CLIC4: variants seen among roughly 807,000 people sequenced by gnomAD.
CLIC4 encodes CLIC family member 4, also known as chloride intracellular channel protein 4.
In CLIC4, 13 loss-of-function variants were observed where a neutral mutation model predicts 24.6. The observed-to-expected ratio is 0.53, with a 90% confidence interval of 0.34 to 0.84. The LOEUF (loss-of-function observed/expected upper bound fraction) is 0.84. Among genes scored for constraint, CLIC4 ranks in the 40% least tolerant of loss-of-function variants. The pLI, the probability that CLIC4 is intolerant of heterozygous loss-of-function variation, is 0.01. For missense variants in CLIC4, 227 were observed against 301.7 expected (o/e 0.75, Z 1.83); for synonymous variants, 104 against 111.3 (o/e 0.93, Z 0.41).
intron 5 of CLIC4, 26 bp downstream of exon 5, chr1:24,840,067 A>G: frequency 6.2e-7 from 1 of 1,602,476 alleles, no homozygotes; most frequent in Non-Finnish European, 8.5e-7. Context: ...TTGATGTCGC[A>G]TTGCCATTAC....
At chr1:24,746,411 C>T (rs1638698819) in intron 1 of CLIC4, among the ~76,000 whole-genome samples, 2 of 152,214 alleles carry the variant, frequency 1.3e-5, no homozygotes, top group African/African-American at 2.4e-5. Flanking sequence ...TTGGTTTTCC[C>T]TTGTGTCTTC....
intron 3 of CLIC4, among the ~76,000 whole-genome samples, chr1:24,824,570 G>A (rs774062054): frequency 1.4e-4 from 22 of 152,082 alleles, no homozygotes; most frequent in Non-Finnish European, 2.8e-4. Flanking sequence ...GCTTGGTCTC[G>A]TTTGTCAATA....
intron 2 of CLIC4, chr1:24,798,089 G>A (rs1428998757): frequency 5.5e-6 from 2 of 361,798 alleles, no homozygotes; most frequent in Non-Finnish European, 1.0e-5. Context: ...TTCATGAGTA[G>A]CACTAGGAGC....
chr1:24,818,700 TCAA>T (rs1165507913), intron 3 of CLIC4, among the ~76,000 whole-genome samples: 5 of 151,872 alleles, frequency 3.3e-5, no homozygotes, highest in Non-Finnish European at 5.9e-5. Context: ...GTTCTTGCCC[TCAA>T]CAAGTACAGT....
intron 1 of CLIC4, among the ~76,000 whole-genome samples, chr1:24,795,440 T>TA (rs1162528981): frequency 6.6e-6 from 1 of 151,994 alleles, no homozygotes; most frequent in African/African-American, 2.4e-5. Context: ...GAGTATTTCT[T>TA]AAGTCCACGA....
intron 2 of CLIC4, among the ~76,000 whole-genome samples, chr1:24,799,066 C>T (rs1303914573): frequency 2.0e-5 from 3 of 151,888 alleles, no homozygotes; most frequent in Admixed American, 6.6e-5. Context: ...CCGGCCGCCA[C>T]CCCATCTGGG....
chr1:24,762,901 T>C (rs1374928693), intron 1 of CLIC4, among the ~76,000 whole-genome samples: 2 of 152,148 alleles, frequency 1.3e-5, no homozygotes, highest in African/African-American at 2.4e-5. Flanking sequence ...GTATGAGCTG[T>C]AAGAGCTGGG....
At chr1:24,806,659 A>G (rs1247766010) in intron 2 of CLIC4, among the ~76,000 whole-genome samples, 2 of 152,192 alleles carry the variant, frequency 1.3e-5, no homozygotes, top group African/African-American at 2.4e-5. Flanking sequence ...GTTTATTACC[A>G]ATCAGTTAAT....
Position 24,820,094 on chromosome 1 carries a change from TATAG to T in CLIC4, c.308+5877_308+5880del, listed in dbSNP as rs1557812349. Among the ~76,000 whole-genome samples the T allele has an allele frequency of 1.2e-3, 128 of 111,056 alleles. 2 individuals are homozygous for T. Among genetic ancestry groups the T allele is most frequent in the Non-Finnish European group, 1.9e-3 (97 of 52,398 alleles). The allele number at this position is 111,056 out of a possible 152,430, so 72.9% of individuals were successfully genotyped here. A position where few individuals can be genotyped will look rare whatever the true frequency, so the allele number is the denominator to read the frequency against. On this transcript the variant is annotated intron_variant, in intron 3 of 5. Transcript: ENST00000374379. ...ATATATATATGTATATATATATATA[TATAG>T]ACAGTATCTTGTACTGTCGCCCAGG... is the stretch of plus-strand genomic sequence containing the variant.
chr1:24,746,884 G>C (rs1638706398), intron 1 of CLIC4, among the ~76,000 whole-genome samples: 1 of 152,138 alleles, frequency 6.6e-6, no homozygotes, highest in Non-Finnish European at 1.5e-5. Flanking sequence ...TACTACTCTG[G>C]AGGCTGCGGT....
intron 3 of CLIC4, among the ~76,000 whole-genome samples, chr1:24,815,295 C>G (rs955026440): frequency 6.6e-6 from 1 of 151,774 alleles, no homozygotes; most frequent in Admixed American, 6.6e-5. Context: ...GTTGGGAGTT[C>G]GAGACCAGTC....
At chr1:24,772,271 A>G (rs1639079247) in intron 1 of CLIC4, among the ~76,000 whole-genome samples, 1 of 152,090 alleles carries the variant, frequency 6.6e-6, no homozygotes, top group African/African-American at 2.4e-5. Context: ...TTTTAAAGCC[A>G]GTCAAATTTA....
chr1:24,814,122 CCCGGGA>C lies in CLIC4; in HGVS notation c.214_219del (p.Gly72_Thr73del), dbSNP rs1162556605. On this transcript the variant is annotated inframe_deletion, in exon 3 of 6. Transcript: ENST00000374379. ...GCCAGCAGACCTGCAGAACTTGGCT[CCCGGGA>C]CCCACCCACCATTTATAACTTTCAA... 6.2e-7 allele frequency: 1 copy of C among 1,613,812 alleles called. No individual in the cohort carries two copies. The highest frequency in any genetic ancestry group is 1.3e-5 in the African/African-American group (1 of 74,906).
intron 1 of CLIC4, among the ~76,000 whole-genome samples, chr1:24,796,777 T>C (rs1639408427): frequency 6.6e-6 from 1 of 152,034 alleles, no homozygotes; most frequent in Non-Finnish European, 1.5e-5. Context: ...TAATTTAAAA[T>C]AAATGAAACA....
At chr1:24,745,697 G>T (rs1638679788) in intron 1 of CLIC4, 72 bp downstream of exon 1, 1 of 1,347,012 alleles carries the variant, frequency 7.4e-7, no homozygotes, top group Admixed American at 2.3e-5. Flanking sequence ...GCGGCGTCCC[G>T]GGGCTCTCCT....
At position 24,827,216 on chromosome 1, in the gene CLIC4, G is replaced by C. The variant is rs186516793; in HGVS notation, c.415+100G>C. 8.4e-6 allele frequency: 6 copies of C among 710,730 alleles called. No individual in the cohort carries two copies. The East Asian group carries it at 1.3e-4, about 16-fold the overall frequency. 44.0% of individuals were successfully genotyped at this position (710,730 alleles called of 1,614,324 possible). Reference sequence around the variant, plus strand: ...TTATAAATGAGTACTTTAGAGTCCAGCCATTCCCATAAGTAATAAAAACTG... The same window carrying C: ...TTATAAATGAGTACTTTAGAGTCCACCCATTCCCATAAGTAATAAAAACTG... On this transcript the variant is annotated intron_variant, in intron 4 of 5. Transcript: ENST00000374379.
intron 1 of CLIC4, among the ~76,000 whole-genome samples, chr1:24,792,051 TAAAAA>T (rs61493384): frequency 2.3e-5 from 3 of 129,844 alleles, no homozygotes; most frequent in Admixed American, 8.1e-5. Context: ...TCCACCTAAT[TAAAAA>T]AAAAAAAAAA....
intron 1 of CLIC4, among the ~76,000 whole-genome samples, chr1:24,767,578 G>GA (rs1472532593): frequency 6.6e-6 from 1 of 152,120 alleles, no homozygotes; most frequent in Non-Finnish European, 1.5e-5. Context: ...TAACTTCAGT[G>GA]AACCCTGATC....
Position 24,840,696 on chromosome 1 carries a change from G to A in CLIC4, c.598-77G>A, listed in dbSNP as rs146470783. 1,854 of 1,203,212 alleles carry A rather than the reference G, an allele frequency of 1.5e-3. 2 individuals carry two copies. Among genetic ancestry groups the A allele is most frequent in the Admixed American group, 1.8e-3 (75 of 41,994 alleles). 74.5% of individuals were successfully genotyped at this position (1,203,212 alleles called of 1,614,324 possible). A position where few individuals can be genotyped will look rare whatever the true frequency, so the allele number is the denominator to read the frequency against. ...CAAAGATTTAGAGCATTAATTATTT[G>A]CTCCAAAATCAGAGATATGTCTAGT... On this transcript the variant is annotated intron_variant, in intron 5 of 5. Coordinates refer to ENST00000374379, the MANE Select transcript of CLIC4 (RefSeq NM_013943.3).
Sources: allele counts gnomAD v4.1 joint callset (sites outside exome capture counted in the v4.1 genomes callset), GRCh38; gene constraint gnomAD v4.1.1; transcripts MANE v1.5; gene names NCBI Gene and HGNC (gene_info 2026-07-23, HGNC 2026-07-21).